Variants in PCDH15 observed in about 807,000 individuals in gnomAD.
PCDH15 encodes the protein protocadherin-15.
A neutral mutation model predicts 178.5 loss-of-function variants in PCDH15; 129 were observed. The ratio of observed to expected loss-of-function variants is 0.72; its 90% CI spans 0.63 to 0.84. The LOEUF (loss-of-function observed/expected upper bound fraction) is 0.84. Among genes scored for constraint, PCDH15 ranks in the 40% least tolerant of loss-of-function variants. PCDH15 has a pLI of 0.00. For synonymous variants in PCDH15, 800 were observed against 732.0 expected, an observed-to-expected ratio of 1.09 and a Z score of -1.50; for missense variants, 2,230 against 2,099.9, an observed-to-expected ratio of 1.06 and a Z score of -1.21.
At chr10:55,365,808 G>T (rs564667424) in intron 2 of PCDH15, among the ~76,000 whole-genome samples, 2 of 152,070 alleles carry the variant, frequency 1.3e-5, no homozygotes, top group Admixed American at 1.3e-4. Flanking sequence ...TTTGTAAATT[G>T]CCCAGTCTTG....
intron 2 of PCDH15, among the ~76,000 whole-genome samples, chr10:55,147,317 A>G (rs1230986364): frequency 6.6e-6 from 1 of 151,594 alleles, no homozygotes; most frequent in East Asian, 1.9e-4. Context: ...TATTTTAGAA[A>G]AAAATTCTTC....
At chr10:55,539,985 G>A (rs75548652) in intron 2 of PCDH15, among the ~76,000 whole-genome samples, 7,917 of 152,080 alleles carry the variant, frequency 0.052, 485 homozygotes, top group East Asian at 0.31. Context: ...TAAAAAGCCT[G>A]CCAAAGATAA....
At chr10:55,416,360 C>T (rs1274640852) in intron 2 of PCDH15, among the ~76,000 whole-genome samples, 5 of 151,822 alleles carry the variant, frequency 3.3e-5, no homozygotes, top group Non-Finnish European at 5.9e-5. Context: ...GTAAGCCTTG[C>T]TATCCATCAT....
chr10:54,837,490 T>G (rs761762257), intron 3 of PCDH15, among the ~76,000 whole-genome samples: 3 of 152,134 alleles, frequency 2.0e-5, no homozygotes, highest in Non-Finnish European at 2.9e-5. Context: ...ACCTGGAAAT[T>G]ATGATCACAA....
chr10:55,084,119 A>G (rs999273492), intron 2 of PCDH15, among the ~76,000 whole-genome samples: 34 of 151,892 alleles, frequency 2.2e-4, no homozygotes, highest in Admixed American at 4.6e-4. Context: ...AGCCAAAGTC[A>G]TCCTGGGAAA....
chr10:54,099,644 A>G (rs1428345302), intron 15 of PCDH15, among the ~76,000 whole-genome samples: 1 of 151,746 alleles, frequency 6.6e-6, no homozygotes, highest in Non-Finnish European at 1.5e-5. Flanking sequence ...AATCCAATTT[A>G]GGAACTATTA....
At chr10:53,975,910 A>G (rs182625120) in intron 21 of PCDH15, among the ~76,000 whole-genome samples, 1 of 152,288 alleles carries the variant, frequency 6.6e-6, no homozygotes, top group Non-Finnish European at 1.5e-5. Context: ...TATGTCTTAA[A>G]TATAAGTAAT....
At chr10:55,345,676 T>C (rs1222743457) in intron 2 of PCDH15, among the ~76,000 whole-genome samples, 1 of 103,360 alleles carries the variant, frequency 9.7e-6, no homozygotes, top group African/African-American at 4.4e-5. Flanking sequence ...TTGTGTTGTG[T>C]GATACTTTTT....
At chr10:54,297,267 T>C (rs1338437856) in intron 8 of PCDH15, among the ~76,000 whole-genome samples, 2 of 152,092 alleles carry the variant, frequency 1.3e-5, no homozygotes, top group African/African-American at 4.8e-5. Context: ...TCCTAAGCCA[T>C]TGGGACCAAT....
chr10:55,457,103 T>A (rs1030689054), intron 2 of PCDH15, among the ~76,000 whole-genome samples: 2 of 152,048 alleles, frequency 1.3e-5, no homozygotes, highest in African/African-American at 2.4e-5. Context: ...AAACGGCATA[T>A]CACAAATTTC....
intron 3 of PCDH15, among the ~76,000 whole-genome samples, chr10:54,424,789 C>T (rs1441917542): frequency 7.0e-6 from 1 of 143,790 alleles, no homozygotes; most frequent in African/African-American, 2.6e-5. Context: ...TGTTCTCACT[C>T]ATAGGTGGGA....
intron 26 of PCDH15, among the ~76,000 whole-genome samples, chr10:53,901,282 C>T (rs912849669): frequency 6.6e-6 from 1 of 152,058 alleles, no homozygotes; most frequent in Non-Finnish European, 1.5e-5. Context: ...TTGAAAAAGC[C>T]TCCCAAACCT....
intron 1 of PCDH15, among the ~76,000 whole-genome samples, chr10:55,306,197 A>T (rs1843420845): frequency 6.6e-6 from 1 of 152,246 alleles, no homozygotes; most frequent in South Asian, 2.1e-4. Flanking sequence ...AAAAGAATCA[A>T]CCATGAGCCA....
intron 1 of PCDH15, among the ~76,000 whole-genome samples, chr10:54,800,412 AG>A (rs1224883895): frequency 6.6e-6 from 1 of 152,194 alleles, no homozygotes; most frequent in African/African-American, 2.4e-5. Flanking sequence ...TAAAAATATC[AG>A]TATACTCACA....
chr10:54,020,534 C>T, intron 19 of PCDH15, 118 bp from the exon 20 acceptor site: 1 of 1,023,256 alleles, frequency 9.8e-7, no homozygotes, highest in Non-Finnish European at 1.5e-6. Context: ...GACAAAAAGA[C>T]ACGTTTTTTG....
chr10:53,816,955 C>T lies in PCDH15; in HGVS notation c.4453-678G>A, dbSNP rs560760743. ...ACCATTGATCTGTTTCATAATAATACACACTTTAACCAGATAAAAACAAGA... is the reference window on the plus strand; with the variant it reads ...ACCATTGATCTGTTTCATAATAATATACACTTTAACCAGATAAAAACAAGA... On this transcript the variant is annotated intron_variant, in intron 34 of 37. Transcript: ENST00000644397. Among the ~76,000 whole-genome samples the T allele has an allele frequency of 2.0e-5, 3 of 152,232 alleles. No homozygotes were observed. In the East Asian group the frequency reaches 5.8e-4, roughly 29 times the overall value.
At chr10:55,105,549 T>C (rs965177509) in intron 2 of PCDH15, among the ~76,000 whole-genome samples, 2 of 152,188 alleles carry the variant, frequency 1.3e-5, no homozygotes, top group African/African-American at 4.8e-5. Flanking sequence ...ATTTTACGTT[T>C]ATTTAATATT....
chr10:55,261,963 A>G (rs561028609), intron 1 of PCDH15, among the ~76,000 whole-genome samples: 1 of 142,488 alleles, frequency 7.0e-6, no homozygotes, highest in South Asian at 2.6e-4. Flanking sequence ...TAATTTCTGC[A>G]TGTCATCTCA....
At chr10:55,325,419 C>T (rs1844004436) in intron 2 of PCDH15, among the ~76,000 whole-genome samples, 1 of 151,830 alleles carries the variant, frequency 6.6e-6, no homozygotes, top group South Asian at 2.1e-4. Flanking sequence ...ATGCTGAACC[C>T]CCATGATCAT....
Sources: allele counts gnomAD v4.1 joint callset (sites outside exome capture counted in the v4.1 genomes callset), GRCh38; gene constraint gnomAD v4.1.1; transcripts MANE v1.5; gene names NCBI Gene and HGNC (gene_info 2026-07-23, HGNC 2026-07-21).